The following TEKT1 variants were observed in gnomAD, a reference collection of about 807,000 sequenced individuals.
TEKT1 encodes the protein tektin 1.
Under a neutral mutation model 34.8 loss-of-function variants are expected in TEKT1, and 32 were observed. The observed-to-expected ratio is 0.92, with a 90% CI of 0.69 to 1.23. TEKT1 has a LOEUF of 1.23. TEKT1 is among the 50% of genes most tolerant of loss of function. The pLI, the probability that TEKT1 is intolerant of heterozygous loss-of-function variation, is 0.00. For missense variants in TEKT1, 492 were observed against 518.5 expected (o/e 0.95, Z 0.50); for synonymous variants, 207 against 199.8 (o/e 1.04, Z -0.30).
At chr17:6,809,675 C>CAAT in intron 6 of TEKT1, among the ~76,000 whole-genome samples, 1 of 152,196 alleles carries the variant, frequency 6.6e-6, no homozygotes, top group Admixed American at 6.5e-5. Context: ...CCCCTGACAA[C>CAAT]CGCTGATCTT....
At chr17:6,816,635 T>G (rs1481595089) in intron 3 of TEKT1, among the ~76,000 whole-genome samples, 1 of 152,244 alleles carries the variant, frequency 6.6e-6, no homozygotes, top group Admixed American at 6.5e-5. Context: ...CTATTACTGA[T>G]GGACATTTGG....
At chr17:6,805,143 C>A (rs1388352858) in intron 6 of TEKT1, among the ~76,000 whole-genome samples, 1 of 152,098 alleles carries the variant, frequency 6.6e-6, no homozygotes. Flanking sequence ...AATTTCAGAG[C>A]CTGTTATTGG....
chr17:6,807,455 T>G (rs566009192), intron 6 of TEKT1, among the ~76,000 whole-genome samples: 4 of 152,356 alleles, frequency 2.6e-5, no homozygotes, highest in Non-Finnish European at 5.9e-5. Flanking sequence ...TCTGAAGCCT[T>G]CTTCTCTCAA....
intron 2 of TEKT1, among the ~76,000 whole-genome samples, chr17:6,829,603 C>A (rs935397954): frequency 6.6e-6 from 1 of 151,716 alleles, no homozygotes; most frequent in Non-Finnish European, 1.5e-5. Context: ...CTGCCTCAGC[C>A]CTCCAAGTAG....
intron 7 of TEKT1, among the ~76,000 whole-genome samples, chr17:6,800,464 A>G (rs986541855): frequency 2.6e-5 from 4 of 152,246 alleles, no homozygotes; most frequent in African/African-American, 9.6e-5. Context: ...CACAGGCCAG[A>G]TTCATGACGT....
At chr17:6,827,600 T>C (rs957663986) in intron 2 of TEKT1, among the ~76,000 whole-genome samples, 2 of 152,124 alleles carry the variant, frequency 1.3e-5, no homozygotes, top group Non-Finnish European at 2.9e-5. Flanking sequence ...TCCATATGAA[T>C]TTTAGAAGCA....
chr17:6,808,691 A>C (rs188877819), intron 6 of TEKT1, among the ~76,000 whole-genome samples: 1 of 152,242 alleles, frequency 6.6e-6, no homozygotes, highest in South Asian at 2.1e-4. Flanking sequence ...TAGTAAAAAA[A>C]GATGATGCTT....
chr17:6,823,950 G>A (rs1904330209), intron 2 of TEKT1, among the ~76,000 whole-genome samples: 1 of 149,604 alleles, frequency 6.7e-6, no homozygotes. Flanking sequence ...AGCCTCCCAA[G>A]TAGCTGGGAC....
Position 6,830,398 on chromosome 17 carries a change from T to A in TEKT1, c.-17-5A>T. The A allele has an allele frequency of 1.3e-6, 2 of 1,531,970 alleles. No homozygotes were observed. The highest frequency in any genetic ancestry group is 2.8e-5 in the African/African-American group (2 of 71,256). 94.9% of individuals were successfully genotyped at this position (1,531,970 alleles called of 1,614,324 possible). On this transcript the variant is annotated splice_polypyrimidine_tract_variant and splice_region_variant and intron_variant, in intron 1 of 7. Coordinates refer to ENST00000338694, the MANE Select transcript of TEKT1 (RefSeq NM_053285.2). ...CCATTTGAGGTTTCCAAATTCCTGA[T>A]CAAAAGCAGACTCTTTTAGATTAAA...
Position 6,799,967 on chromosome 17 carries a change from T to C in TEKT1, c.*60A>G, listed in dbSNP as rs577781437. On this transcript the variant is annotated 3_prime_UTR_variant, in exon 8 of 8. Transcript: ENST00000338694. ...CCCCGCCAGCCTGAAATGAGAGCTC[T>C]GTACTACTGTAACTACTGTTTACAA... 2.0e-6 allele frequency: 3 copies of C among 1,507,914 alleles called. No individual in the cohort carries two copies. In the South Asian group the frequency reaches 3.8e-5, roughly 19 times the overall value. 93.4% of individuals were successfully genotyped at this position (1,507,914 alleles called of 1,614,324 possible).
At chr17:6,804,529 G>A (rs1472129672) in intron 6 of TEKT1, among the ~76,000 whole-genome samples, 2 of 152,168 alleles carry the variant, frequency 1.3e-5, no homozygotes, top group African/African-American at 4.8e-5. Flanking sequence ...GGGCATCCCT[G>A]TCTTGTGCCA....
chr17:6,808,408 C>T (rs1976878804), intron 6 of TEKT1, among the ~76,000 whole-genome samples: 1 of 152,186 alleles, frequency 6.6e-6, no homozygotes, highest in African/African-American at 2.4e-5. Flanking sequence ...TGACCCCTTG[C>T]ACTTCCCGGG....
At chr17:6,807,151 G>A (rs1321478088) in intron 6 of TEKT1, among the ~76,000 whole-genome samples, 2 of 152,158 alleles carry the variant, frequency 1.3e-5, no homozygotes, top group African/African-American at 4.8e-5. Context: ...ATATTTCTTG[G>A]AGGCTTTGTT....
At chr17:6,812,038 T>G (rs1976935787) in intron 6 of TEKT1, among the ~76,000 whole-genome samples, 1 of 152,002 alleles carries the variant, frequency 6.6e-6, no homozygotes, top group African/African-American at 2.4e-5. Flanking sequence ...AGGAATCTGG[T>G]GGGAGGTAAT....
At chr17:6,825,974 AC>A (rs199664228) in intron 2 of TEKT1, among the ~76,000 whole-genome samples, 5,615 of 152,324 alleles carry the variant, frequency 0.037, 144 homozygotes, top group Middle Eastern at 0.14. Flanking sequence ...AGGTAGAATA[AC>A]CAGGTGAAAA....
chr17:6,822,222 G>T (rs1977101553), intron 2 of TEKT1, among the ~76,000 whole-genome samples: 1 of 152,184 alleles, frequency 6.6e-6, no homozygotes, highest in East Asian at 1.9e-4. Flanking sequence ...CTGTAACTTT[G>T]AACTCCTGGG....
At chr17:6,829,597 C>A (rs924005678) in intron 2 of TEKT1, among the ~76,000 whole-genome samples, 1 of 151,410 alleles carries the variant, frequency 6.6e-6, no homozygotes, top group Non-Finnish European at 1.5e-5. Flanking sequence ...ATCCTACTGC[C>A]TCAGCCCTCC....
chr17:6,800,612 C>A lies in TEKT1; in HGVS notation c.1049+135G>T, dbSNP rs541335753. 1.5e-4 allele frequency: 164 copies of A among 1,118,928 alleles called. No homozygotes were observed. In the African/African-American group the frequency reaches 2.3e-3, roughly 15 times the overall value. 69.3% of individuals were successfully genotyped at this position (1,118,928 alleles called of 1,614,324 possible). A position where few individuals can be genotyped will look rare whatever the true frequency, so the allele number is the denominator to read the frequency against. On this transcript the variant is annotated intron_variant, in intron 7 of 7. Transcript: ENST00000338694. ...TTTGGCGGGAGGTGGTGGAGACTTCCCTCTAGGGGGCATTCCTCAAGCATT... is the reference window on the plus strand; with the variant it reads ...TTTGGCGGGAGGTGGTGGAGACTTCACTCTAGGGGGCATTCCTCAAGCATT...
In TEKT1 at chr17:6,830,196, T is replaced by G. The variant is rs753744204; in HGVS notation, c.181A>C (p.Lys61Gln). 1.2e-6 allele frequency: 2 copies of G among 1,609,174 alleles called. No homozygotes were observed. Among genetic ancestry groups the G allele is most frequent in the African/African-American group, 1.3e-5 (1 of 74,492 alleles). Reference protein sequence around the residue: ...TTRKSQSDVNKKLEQRLEEVQ... With the variant: ...TTRKSQSDVNQKLEQRLEEVQ... The stretch of plus-strand genomic sequence containing the variant: ...AAGCATGTTGTCTTACCTAGTTTCT[T>G]GTTCACATCGCTTTGAGATTTTCTT... The change falls in exon 2 of 8, where the codon AAG (lysine) becomes CAG (glutamine). Residue 61 changes from lysine to glutamine, a missense_variant. Lys to Gln is a moderately conservative substitution (Grantham distance 53). Transcript: ENST00000338694.
Sources: allele counts gnomAD v4.1 joint callset (sites outside exome capture counted in the v4.1 genomes callset), GRCh38; gene constraint gnomAD v4.1.1; transcripts MANE v1.5; gene names NCBI Gene and HGNC (gene_info 2026-07-23, HGNC 2026-07-21).